The following EXOC6B variants were observed in gnomAD, a reference collection of about 807,000 sequenced individuals.
The protein encoded by EXOC6B is SEC15 homolog B.
In EXOC6B, 54 loss-of-function variants were observed where a neutral mutation model predicts 113.5. The observed-to-expected ratio is 0.48, with a 90% CI of 0.38 to 0.60. The LOEUF is 0.60. Among genes scored for constraint, EXOC6B ranks in the 20% least tolerant of loss-of-function variants. The probability of loss-of-function intolerance (pLI) is 0.00; values close to 1 mark genes in which losing one functional copy is unlikely to be tolerated. For synonymous variants in EXOC6B, 357 were observed against 339.0 expected (o/e 1.05, Z -0.58); for missense variants, 797 against 977.5 (o/e 0.82, Z 2.46).
At chr2:72,771,270 C>T (rs1342337143) in intron 1 of EXOC6B, among the ~76,000 whole-genome samples, 1 of 152,138 alleles carries the variant, frequency 6.6e-6, no homozygotes, top group Admixed American at 6.5e-5. Context: ...AATAATTTCA[C>T]ATTGCACAGA....
chr2:72,762,193 G>A (rs1398009722), intron 1 of EXOC6B, among the ~76,000 whole-genome samples: 8 of 149,612 alleles, frequency 5.3e-5, no homozygotes, highest in South Asian at 2.1e-4. Flanking sequence ...GCAGTGAGCC[G>A]AGATGGTGCC....
chr2:72,229,301 A>G (rs1326149145), intron 20 of EXOC6B, among the ~76,000 whole-genome samples: 1 of 152,186 alleles, frequency 6.6e-6, no homozygotes, highest in Non-Finnish European at 1.5e-5. Flanking sequence ...CGTCGTTAAG[A>G]TCTAACTCCA....
chr2:72,262,985 C>T (rs1042803440), intron 20 of EXOC6B, among the ~76,000 whole-genome samples: 2 of 152,152 alleles, frequency 1.3e-5, no homozygotes, highest in East Asian at 3.8e-4. Context: ...ATACCTAACA[C>T]TGAAGATTTT....
At chr2:72,669,695 C>T (rs985859508) in intron 6 of EXOC6B, among the ~76,000 whole-genome samples, 7 of 152,152 alleles carry the variant, frequency 4.6e-5, no homozygotes, top group South Asian at 2.1e-4. Flanking sequence ...CTGTGTGTTG[C>T]GGGAAAGCAT....
intron 20 of EXOC6B, among the ~76,000 whole-genome samples, chr2:72,323,810 G>A (rs1459592559): frequency 2.2e-5 from 3 of 135,718 alleles, no homozygotes; most frequent in African/African-American, 8.2e-5. Context: ...ATAGGGAGGG[G>A]AACATCACAC....
At chr2:72,380,752 T>C (rs944128394) in intron 18 of EXOC6B, among the ~76,000 whole-genome samples, 4 of 152,186 alleles carry the variant, frequency 2.6e-5, no homozygotes, top group Non-Finnish European at 4.4e-5. Context: ...GATTTATGAA[T>C]ATAAACTCTA....
At chr2:72,364,551 T>C (rs2104996480) in intron 19 of EXOC6B, among the ~76,000 whole-genome samples, 2 of 152,282 alleles carry the variant, frequency 1.3e-5, no homozygotes, top group South Asian at 4.1e-4. Flanking sequence ...ACAAACTCTG[T>C]TGTGTTTCCA....
At chr2:72,435,731 T>G (rs1234434353) in intron 18 of EXOC6B, among the ~76,000 whole-genome samples, 1 of 152,008 alleles carries the variant, frequency 6.6e-6, no homozygotes, top group Non-Finnish European at 1.5e-5. Context: ...TTTGTTTTTT[T>G]TTTGCTTTCC....
chr2:72,593,242 A>C (rs967683996), intron 6 of EXOC6B, among the ~76,000 whole-genome samples: 6 of 152,118 alleles, frequency 3.9e-5, no homozygotes, highest in African/African-American at 1.4e-4. Context: ...GTTTATTAGT[A>C]AGTAAAGTAT....
chr2:72,646,748 C>T (rs930888509), intron 6 of EXOC6B, among the ~76,000 whole-genome samples: 1 of 152,212 alleles, frequency 6.6e-6, no homozygotes, highest in African/African-American at 2.4e-5. Context: ...CAAAATTCAA[C>T]AGCCCTTTAT....
chr2:72,427,815 G>T (rs1051841269), intron 18 of EXOC6B, among the ~76,000 whole-genome samples: 2 of 152,136 alleles, frequency 1.3e-5, no homozygotes, highest in Non-Finnish European at 2.9e-5. Flanking sequence ...ACCAGAGTGG[G>T]AACTTGCAGT....
At chr2:72,570,331 A>T (rs1364410496) in intron 7 of EXOC6B, among the ~76,000 whole-genome samples, 1 of 152,212 alleles carries the variant, frequency 6.6e-6, no homozygotes, top group Non-Finnish European at 1.5e-5. Context: ...ATTTTTGTTT[A>T]AATCACCCAT....
In EXOC6B at chr2:72,347,314, TC is replaced by T. The variant is rs768197946; in HGVS notation, c.2123-12295del. On this transcript the variant is annotated intron_variant, in intron 19 of 21. Coordinates refer to ENST00000272427, the MANE Select transcript of EXOC6B (RefSeq NM_015189.3). ...CCTGAGAGATGAGAAAGACTGGTGTTCCAAAGCAGTAACTTTATATCCTTGA... is the reference window on the plus strand; with the variant it reads ...CCTGAGAGATGAGAAAGACTGGTGTTCAAAGCAGTAACTTTATATCCTTGA... Among the ~76,000 whole-genome samples, 9 of 152,284 alleles carry T rather than the reference TC, an allele frequency of 5.9e-5. No individual in the cohort carries two copies. In the East Asian group the frequency reaches 1.5e-3, roughly 26 times the overall value.
intron 20 of EXOC6B, among the ~76,000 whole-genome samples, chr2:72,206,987 G>A (rs1679879872): frequency 6.6e-6 from 1 of 152,142 alleles, no homozygotes; most frequent in Admixed American, 6.6e-5. Context: ...CATAATGACT[G>A]TCAACAATTT....
At chr2:72,598,056 A>T (rs1481338628) in intron 6 of EXOC6B, among the ~76,000 whole-genome samples, 1 of 152,022 alleles carries the variant, frequency 6.6e-6, no homozygotes, top group African/African-American at 2.4e-5. Flanking sequence ...GAAAAGCAGT[A>T]ATAGCTAAAC....
In EXOC6B at chr2:72,695,125, G is replaced by T. The variant is rs576533546; in HGVS notation, c.669+22978C>A. ...GTCAAAGCGGGAAAGACGGCTGGAT[G>T]CTTTGGGGTTCAGCTCGGACATCTG... is the stretch of plus-strand genomic sequence containing the variant. On this transcript the variant is annotated intron_variant, in intron 6 of 21. Transcript: ENST00000272427. 3.9e-5 allele frequency among the ~76,000 whole-genome samples: 6 copies of T among 152,338 alleles called. No homozygotes were observed. In the South Asian group the frequency reaches 1.0e-3, roughly 26 times the overall value.
intron 20 of EXOC6B, among the ~76,000 whole-genome samples, chr2:72,295,720 A>C (rs558793854): frequency 1.3e-5 from 2 of 152,322 alleles, no homozygotes; most frequent in East Asian, 3.9e-4. Flanking sequence ...TTGCAAGCAG[A>C]GAAAAGGTGA....
At chr2:72,584,953 G>A (rs1000499402) in intron 6 of EXOC6B, among the ~76,000 whole-genome samples, 23 of 152,076 alleles carry the variant, frequency 1.5e-4, no homozygotes, top group African/African-American at 5.6e-4. Context: ...AATATTCTTT[G>A]AAATAAATGA....
At chr2:72,442,985 C>CTATA (rs1696301508) in intron 18 of EXOC6B, among the ~76,000 whole-genome samples, 1 of 152,102 alleles carries the variant, frequency 6.6e-6, no homozygotes, top group African/African-American at 2.4e-5. Flanking sequence ...CAACTTCAAA[C>CTATA]TATACTACAC....
Sources: allele counts gnomAD v4.1 joint callset (sites outside exome capture counted in the v4.1 genomes callset), GRCh38; gene constraint gnomAD v4.1.1; transcripts MANE v1.5; gene names NCBI Gene and HGNC (gene_info 2026-07-23, HGNC 2026-07-21).